ERC1: variants seen among roughly 807,000 people sequenced by gnomAD.
ERC1 encodes ELKS/RAB6-interacting/CAST family member 1.
A neutral mutation model predicts 132.0 loss-of-function variants in ERC1; 56 were observed. The observed-to-expected ratio is 0.42, with a 90% CI of 0.34 to 0.53. ERC1 has a LOEUF of 0.53. Ranked by LOEUF, ERC1 falls within the 20% of genes least tolerant of loss-of-function variation. ERC1 has a pLI of 0.03. For synonymous variants in ERC1, 478 were observed against 476.1 expected (o/e 1.00, Z -0.05); for missense variants, 1,202 against 1,349.9 (o/e 0.89, Z 1.72).
chr12:1,290,958 T>C (rs896170977), intron 15 of ERC1, among the ~76,000 whole-genome samples: 8 of 152,230 alleles, frequency 5.3e-5, no homozygotes, highest in Non-Finnish European at 8.8e-5. Flanking sequence ...TCTGCATAAA[T>C]GCACAGTCTG....
At chr12:1,462,691 AAC>A (rs2093666278) in intron 18 of ERC1, among the ~76,000 whole-genome samples, 1 of 152,178 alleles carries the variant, frequency 6.6e-6, no homozygotes, top group African/African-American at 2.4e-5. Flanking sequence ...AAGAGGATAA[AAC>A]AGAACCTTCT....
At chr12:1,185,881 C>T (rs1472684665) in intron 11 of ERC1, among the ~76,000 whole-genome samples, 1 of 152,110 alleles carries the variant, frequency 6.6e-6, no homozygotes, top group Non-Finnish European at 1.5e-5. Flanking sequence ...TTCAGGACTG[C>T]TTCTCTTTGC....
intron 15 of ERC1, among the ~76,000 whole-genome samples, chr12:1,301,424 A>G (rs1361193824): frequency 6.6e-6 from 1 of 152,206 alleles, no homozygotes; most frequent in Non-Finnish European, 1.5e-5. Context: ...CTAAATGCTC[A>G]TCAGTGGTGG....
In ERC1 at chr12:1,225,449, T is replaced by TACACACACACACAC. The variant is rs67132193; in HGVS notation, c.2352-11289_2352-11276dup. On this transcript the variant is annotated intron_variant, in intron 12 of 18. Transcript: ENST00000360905. ...AGGACAACAAAATGAGGCTGTCTCT[T>TACACACACACACAC]ACACACACACACACACACACACACA... Among the ~76,000 whole-genome samples the TACACACACACACAC allele has an allele frequency of 4.6e-5, 6 of 131,760 alleles. No individual in the cohort carries two copies. In the East Asian group the frequency reaches 1.1e-3, roughly 25 times the overall value. The allele number at this position is 131,760 out of a possible 152,430, so 86.4% of individuals were successfully genotyped here.
chr12:1,473,395 C>T (rs1177235106), intron 18 of ERC1, among the ~76,000 whole-genome samples: 2 of 152,122 alleles, frequency 1.3e-5, no homozygotes, highest in African/African-American at 4.8e-5. Context: ...ATCTTATTTA[C>T]TTTTGGTCTA....
intron 15 of ERC1, among the ~76,000 whole-genome samples, chr12:1,295,367 A>G (rs1335685229): frequency 6.6e-6 from 1 of 152,176 alleles, no homozygotes; most frequent in Admixed American, 6.5e-5. Flanking sequence ...TAATTCATAT[A>G]CAAGCACAGT....
In ERC1 at chr12:1,115,872, C is replaced by T; in HGVS notation, c.1408C>T (p.Gln470Ter). Residue 470 changes from glutamine to a stop codon, truncating the protein, a stop_gained, in exon 7 of 19, where the codon CAG (glutamine) becomes TAG (stop). Coordinates refer to ENST00000360905, the MANE Select transcript of ERC1 (RefSeq NM_178040.4). LOFTEE classifies it high-confidence loss of function. ...TGTTTTACTTCTTTTCTAGATTGGCCAGGTGAAACAGGAGCTGTCCAGAAA... is the reference window on the plus strand; with the variant it reads ...TGTTTTACTTCTTTTCTAGATTGGCTAGGTGAAACAGGAGCTGTCCAGAAA... The part of the protein sequence containing the change: ...KAAGLQAEIG[Q>*]VKQELSRKDT... 2.5e-6 allele frequency: 4 copies of T among 1,611,074 alleles called. No homozygotes were observed. Among genetic ancestry groups the T allele is most frequent in the Non-Finnish European group, 3.4e-6 (4 of 1,178,822 alleles).
At chr12:1,181,783 C>CAAAAAAA in intron 9 of ERC1, 142 bp from the exon 10 acceptor site, 2 of 699,814 alleles carry the variant, frequency 2.9e-6, no homozygotes, top group Non-Finnish European at 4.2e-6. Context: ...AACTCTGTCT[C>CAAAAAAA]AAAAAAAAAA....
At chr12:1,183,218 T>A (rs1443519869) in intron 10 of ERC1, 63 bp from the exon 11 acceptor site, 14 of 1,158,812 alleles carry the variant, frequency 1.2e-5, no homozygotes, top group Non-Finnish European at 1.6e-5. Flanking sequence ...ATGATAAATT[T>A]AAAAATTTAA....
At chr12:1,401,096 C>T (rs913339543) in intron 16 of ERC1, among the ~76,000 whole-genome samples, 6 of 151,378 alleles carry the variant, frequency 4.0e-5, no homozygotes, top group South Asian at 4.2e-4. Context: ...CCGCTGCGCC[C>T]GGCTAATTTT....
chr12:1,450,776 G>T (rs562004603), intron 18 of ERC1, among the ~76,000 whole-genome samples: 2 of 152,144 alleles, frequency 1.3e-5, no homozygotes, highest in African/African-American at 4.8e-5. Context: ...GTACACAAGC[G>T]TTCCAGTTTC....
chr12:1,114,178 C>A (rs1216696128), intron 6 of ERC1, among the ~76,000 whole-genome samples: 1 of 152,100 alleles, frequency 6.6e-6, no homozygotes. Flanking sequence ...CATGCGCCAC[C>A]ATGCCCAGCT....
intron 1 of ERC1, among the ~76,000 whole-genome samples, chr12:1,011,210 G>C (rs905402980): frequency 6.6e-6 from 1 of 151,448 alleles, no homozygotes; most frequent in Non-Finnish European, 1.5e-5. Context: ...TCCTTTTTTT[G>C]TTTTTTGAGA....
chr12:1,013,293 A>C (rs1232685648), intron 1 of ERC1, among the ~76,000 whole-genome samples: 1 of 152,108 alleles, frequency 6.6e-6, no homozygotes, highest in Non-Finnish European at 1.5e-5. Context: ...ATGATTAACA[A>C]CCTTGTGTTT....
intron 4 of ERC1, among the ~76,000 whole-genome samples, chr12:1,105,668 A>G (rs564602916): frequency 2.0e-5 from 3 of 152,304 alleles, no homozygotes; most frequent in Admixed American, 2.0e-4. Context: ...AGATTTATTA[A>G]AAGTAATACT....
chr12:1,416,150 G>A (rs557771937), intron 17 of ERC1, among the ~76,000 whole-genome samples: 16 of 152,248 alleles, frequency 1.1e-4, no homozygotes, highest in South Asian at 8.3e-4. Flanking sequence ...CCTAACTGGG[G>A]AAATAACAAA....
At chr12:1,127,310 G>T (rs1005025394) in intron 7 of ERC1, among the ~76,000 whole-genome samples, 1 of 152,050 alleles carries the variant, frequency 6.6e-6, no homozygotes, top group Non-Finnish European at 1.5e-5. Context: ...CTTTCCTGCT[G>T]GTCCACAAAA....
chr12:1,001,308 T>C (rs936050592), intron 1 of ERC1, among the ~76,000 whole-genome samples: 1 of 152,230 alleles, frequency 6.6e-6, no homozygotes, highest in Non-Finnish European at 1.5e-5. Flanking sequence ...TCCTCCTGTC[T>C]TGGCCTCCCA....
At chr12:1,218,847 C>T (rs1314088136) in intron 12 of ERC1, among the ~76,000 whole-genome samples, 1 of 151,322 alleles carries the variant, frequency 6.6e-6, no homozygotes, top group Non-Finnish European at 1.5e-5. Flanking sequence ...CACACACACA[C>T]ACACACACAT....
Sources: allele counts gnomAD v4.1 joint callset (sites outside exome capture counted in the v4.1 genomes callset), GRCh38; gene constraint gnomAD v4.1.1; transcripts MANE v1.5; gene names NCBI Gene and HGNC (gene_info 2026-07-23, HGNC 2026-07-21).